The following CCDC171 variants were observed in gnomAD, a reference collection of about 807,000 sequenced individuals.
CCDC171 encodes coiled-coil domain containing 171, also known as coiled-coil domain-containing protein 171.
Under a neutral mutation model 168.2 loss-of-function variants are expected in CCDC171, and 177 were observed. That is an observed-to-expected ratio of 1.05 (90% CI 0.93 to 1.19). The LOEUF is 1.19. Among genes scored for constraint, CCDC171 ranks in the 50% most tolerant of loss-of-function variants. The pLI, the probability that CCDC171 is intolerant of heterozygous loss-of-function variation, is 0.00. For synonymous variants in CCDC171, 687 were observed against 540.8 expected (o/e 1.27, Z -3.75); for missense variants, 1,991 against 1,539.0 (o/e 1.29, Z -4.91).
At position 15,603,550 on chromosome 9, in the gene CCDC171, C is replaced by T. The variant is rs142735159; in HGVS notation, c.675+9378C>T. Among the ~76,000 whole-genome samples the T allele has an allele frequency of 2.3e-3, 346 of 152,238 alleles. 3 individuals carry two copies. The highest frequency in any genetic ancestry group is 7.8e-3 in the African/African-American group (322 of 41,544). ...TTAGTTTGCTGAGGATAATGGCTTC[C>T]AGCTCTATCCATGTCCCTGCAAAAG... On this transcript the variant is annotated intron_variant, in intron 6 of 25. Transcript: ENST00000380701.
the CCDC171 span, among the ~76,000 whole-genome samples, chr9:16,070,479 C>T: frequency 2.0e-5 from 3 of 152,152 alleles, no homozygotes; most frequent in Non-Finnish European, 2.9e-5. Flanking sequence ...CTTTTTATTG[C>T]TGGTTGGGCC....
At chr9:15,670,932 C>T (rs770876351) in intron 9 of CCDC171, among the ~76,000 whole-genome samples, 4 of 151,736 alleles carry the variant, frequency 2.6e-5, no homozygotes, top group Admixed American at 6.6e-5. Context: ...TGCTGGAGGC[C>T]GAGGTGGGGG....
intron 18 of CCDC171, among the ~76,000 whole-genome samples, chr9:15,775,788 T>C (rs1403115579): frequency 6.6e-6 from 1 of 152,234 alleles, no homozygotes; most frequent in Non-Finnish European, 1.5e-5. Context: ...CTTAGTATTC[T>C]TGTGTTCAGC....
At chr9:15,921,439 C>T (rs149455587) in intron 25 of CCDC171, among the ~76,000 whole-genome samples, 2 of 151,828 alleles carry the variant, frequency 1.3e-5, no homozygotes, top group East Asian at 3.9e-4. Flanking sequence ...TAGCAGTTAT[C>T]GTCAAACTGA....
intron 24 of CCDC171, among the ~76,000 whole-genome samples, chr9:15,899,636 T>TAGAG (rs1821367947): frequency 6.6e-6 from 1 of 152,200 alleles, no homozygotes; most frequent in Non-Finnish European, 1.5e-5. Flanking sequence ...GTATATTCTC[T>TAGAG]TTTGATAAAA....
At chr9:16,074,003 G>T in the CCDC171 span, among the ~76,000 whole-genome samples, 1 of 152,144 alleles carries the variant, frequency 6.6e-6, no homozygotes, top group Non-Finnish European at 1.5e-5. Flanking sequence ...GAACAATCTA[G>T]CCACAGTGCA....
At chr9:15,967,710 T>C (rs999522833) in intron 25 of CCDC171, among the ~76,000 whole-genome samples, 2 of 152,146 alleles carry the variant, frequency 1.3e-5, no homozygotes, top group Admixed American at 1.3e-4. Flanking sequence ...GAAGCTAGAG[T>C]CCACTGATCT....
intron 18 of CCDC171, among the ~76,000 whole-genome samples, chr9:15,765,628 G>T (rs2056680025): frequency 6.6e-6 from 1 of 152,168 alleles, no homozygotes; most frequent in African/African-American, 2.4e-5. Flanking sequence ...ATGGAGGAAG[G>T]TGAGAAGATA....
chr9:15,616,579 A>C (rs932004510), intron 6 of CCDC171, among the ~76,000 whole-genome samples: 2 of 152,134 alleles, frequency 1.3e-5, no homozygotes, highest in Admixed American at 6.5e-5. Flanking sequence ...ATTGCTATTT[A>C]TTTACTTTAA....
At chr9:15,975,843 C>T (rs139115705), downstream of CCDC171, among the ~76,000 whole-genome samples, 191 of 152,218 alleles carry the variant, frequency 1.3e-3, 3 homozygotes, top group Middle Eastern at 6.8e-3. Context: ...TTACCGTCTA[C>T]GGCAAAGGGA....
At chr9:16,005,922 T>A (rs913306753) in intron 3 of CCDC171, among the ~76,000 whole-genome samples, 4 of 151,396 alleles carry the variant, frequency 2.6e-5, no homozygotes, top group Non-Finnish European at 4.4e-5. Context: ...TTTTATTTTA[T>A]TTTTTGAGAT....
chr9:15,605,515 T>TA (rs71325923), intron 6 of CCDC171, among the ~76,000 whole-genome samples: 48,541 of 98,970 alleles, frequency 0.49, 11,853 homozygotes, highest in East Asian at 0.76. Flanking sequence ...CTGTCTCTAC[T>TA]AAAAAAAAAA....
chr9:16,066,664 A>G, the CCDC171 span, among the ~76,000 whole-genome samples: 5 of 139,254 alleles, frequency 3.6e-5, no homozygotes, highest in East Asian at 1.1e-3. Context: ...TCCTGTATCC[A>G]TGTGATCTCA....
downstream of CCDC171, among the ~76,000 whole-genome samples, chr9:15,974,280 T>C (rs1281707394): frequency 5.9e-5 from 9 of 152,112 alleles, no homozygotes; most frequent in Non-Finnish European, 8.8e-5. Context: ...GAGGAGAAGA[T>C]TTAATGACAT....
chr9:16,011,431 T>G (rs1019189552), intron 3 of CCDC171, among the ~76,000 whole-genome samples: 3 of 152,146 alleles, frequency 2.0e-5, no homozygotes, highest in African/African-American at 7.2e-5. Context: ...TGCAGCAAAA[T>G]TCTCTTAGAG....
chr9:16,047,643 C>A (rs1043977155), intron 1 of CCDC171, among the ~76,000 whole-genome samples: 5 of 152,208 alleles, frequency 3.3e-5, no homozygotes, highest in African/African-American at 1.2e-4. Flanking sequence ...GCCAGACACA[C>A]AAAGTCCTTT....
At chr9:15,689,934 A>C (rs1049866825) in intron 10 of CCDC171, among the ~76,000 whole-genome samples, 12 of 152,214 alleles carry the variant, frequency 7.9e-5, no homozygotes, top group African/African-American at 2.9e-4. Context: ...AAGGGTGTTA[A>C]GTCAATTCAG....
chr9:15,991,569 TAACTA>T (rs1360243414), intron 3 of CCDC171, among the ~76,000 whole-genome samples: 1 of 151,758 alleles, frequency 6.6e-6, no homozygotes, highest in African/African-American at 2.4e-5. Flanking sequence ...AGGCAAGAAA[TAACTA>T]AGATCAGAGC....
chr9:16,059,505 C>CTTT (rs869212886), intron 1 of CCDC171, among the ~76,000 whole-genome samples: 17 of 101,428 alleles, frequency 1.7e-4, no homozygotes, highest in East Asian at 2.8e-4. Context: ...TTTTTTTTTT[C>CTTT]TTTTTTTTTT....
Sources: allele counts gnomAD v4.1 joint callset (sites outside exome capture counted in the v4.1 genomes callset), GRCh38; gene constraint gnomAD v4.1.1; transcripts MANE v1.5; gene names NCBI Gene and HGNC (gene_info 2026-07-23, HGNC 2026-07-21).